CAMK1D: variants seen among roughly 807,000 people sequenced by gnomAD.
CAMK1D encodes the protein calcium/calmodulin dependent protein kinase ID, also known as calcium/calmodulin-dependent protein kinase type 1D.
CAMK1D carries 9 observed loss-of-function variants against 47.7 expected under a neutral mutation model. That is an observed-to-expected ratio of 0.19 (90% CI 0.11 to 0.33). The LOEUF (loss-of-function observed/expected upper bound fraction) is 0.33, where lower values mean the gene tolerates loss of function less well. Among genes scored for constraint, CAMK1D ranks in the 10% least tolerant of loss-of-function variants. CAMK1D has a pLI of 1.00. For missense variants in CAMK1D, 291 were observed against 488.7 expected, an observed-to-expected ratio of 0.60 and a Z score of 3.81; for synonymous variants, 184 against 184.9, an observed-to-expected ratio of 0.99 and a Z score of 0.04.
chr10:12,734,322 C>CAAAAAA (rs1201573872), intron 3 of CAMK1D, among the ~76,000 whole-genome samples: 1 of 23,578 alleles, frequency 4.2e-5, no homozygotes, highest in African/African-American at 2.7e-4. Context: ...GACTCCATCT[C>CAAAAAA]AAAAAAAAAA....
chr10:12,363,665 GTTTTTTTTTT>G (rs1165886868), intron 1 of CAMK1D, among the ~76,000 whole-genome samples: 3 of 117,108 alleles, frequency 2.6e-5, no homozygotes, highest in South Asian at 2.7e-4. Flanking sequence ...GTTTCCTAAG[GTTTTTTTTTT>G]TTTTTTTTTT....
intron 5 of CAMK1D, among the ~76,000 whole-genome samples, chr10:12,773,655 G>T (rs1418095120): frequency 6.6e-6 from 1 of 152,198 alleles, no homozygotes; most frequent in South Asian, 2.1e-4. Context: ...CTCCTTGGGA[G>T]GCAGAGGCAG....
At chr10:12,776,449 G>A (rs570308180) in intron 5 of CAMK1D, among the ~76,000 whole-genome samples, 3 of 152,222 alleles carry the variant, frequency 2.0e-5, no homozygotes, top group South Asian at 2.1e-4. Context: ...CTCGCTGTTC[G>A]TAGTCATCAT....
chr10:12,395,947 G>T (rs999207354), intron 1 of CAMK1D, among the ~76,000 whole-genome samples: 2 of 150,888 alleles, frequency 1.3e-5, no homozygotes, highest in African/African-American at 4.9e-5. Flanking sequence ...AAACAAAAGG[G>T]TTGTTAACCT....
chr10:12,454,002 G>T (rs2768360), intron 1 of CAMK1D, among the ~76,000 whole-genome samples: 152,189 of 152,286 alleles, frequency 1, 76,046 homozygotes, highest in Middle Eastern at 1. Flanking sequence ...CAGAGCTCTG[G>T]GGGGGCTGTT....
chr10:12,768,819 G>A (rs1836900639), intron 4 of CAMK1D, among the ~76,000 whole-genome samples: 1 of 152,082 alleles, frequency 6.6e-6, no homozygotes, highest in Admixed American at 6.5e-5. Flanking sequence ...CTGCTTCCTT[G>A]CTAGGAACAA....
intron 2 of CAMK1D, among the ~76,000 whole-genome samples, chr10:12,640,435 C>T (rs911104975): frequency 1.3e-5 from 2 of 152,156 alleles, no homozygotes; most frequent in Non-Finnish European, 2.9e-5. Flanking sequence ...CCTTGATAAG[C>T]TAGCACGGTG....
At chr10:12,413,544 T>G in intron 1 of CAMK1D, among the ~76,000 whole-genome samples, 1 of 152,064 alleles carries the variant, frequency 6.6e-6, no homozygotes. Context: ...ATGATGAGTA[T>G]GATGGTGATA....
intron 1 of CAMK1D, among the ~76,000 whole-genome samples, chr10:12,547,682 T>TCACACACACACACACACACACACACA (rs1554786375): frequency 1.3e-4 from 15 of 116,518 alleles, no homozygotes; most frequent in African/African-American, 3.7e-4. Flanking sequence ...TTTCTCTCTC[T>TCACACACACACACACACACACACACA]CACACACACA....
chr10:12,773,753 GCAAGGTGGCAGGCGC>G (rs1368401913), intron 5 of CAMK1D, among the ~76,000 whole-genome samples: 1 of 152,110 alleles, frequency 6.6e-6, no homozygotes, highest in Non-Finnish European at 1.5e-5. Context: ...AATTAGCCAG[GCAAGGTGGCAGGCGC>G]CTGTAATCCC....
chr10:12,394,596 G>T lies in CAMK1D; in HGVS notation c.92+44686G>T, dbSNP rs1467988740. ...CAAGGGCTTTCGGAGGTCTGTGCTAGGAGCCACAGGCAGACACCAAAGATA... is the reference window on the plus strand; with the variant it reads ...CAAGGGCTTTCGGAGGTCTGTGCTATGAGCCACAGGCAGACACCAAAGATA... On this transcript the variant is annotated intron_variant, in intron 1 of 10. Coordinates refer to ENST00000619168, the MANE Select transcript of CAMK1D (RefSeq NM_153498.4). 4.6e-5 allele frequency among the ~76,000 whole-genome samples: 7 copies of T among 152,170 alleles called. No individual in the cohort carries two copies. In the South Asian group the frequency reaches 1.4e-3, roughly 31 times the overall value.
At chr10:12,785,423 G>A (rs1174184688) in intron 5 of CAMK1D, among the ~76,000 whole-genome samples, 1 of 152,214 alleles carries the variant, frequency 6.6e-6, no homozygotes, top group Non-Finnish European at 1.5e-5. Context: ...AGGCATGGGA[G>A]CAGCAGGGAG....
chr10:12,572,470 G>A (rs1837357646), intron 2 of CAMK1D, among the ~76,000 whole-genome samples: 1 of 152,130 alleles, frequency 6.6e-6, no homozygotes, highest in South Asian at 2.1e-4. Context: ...AAAGGATTGA[G>A]GCGGAATGTT....
chr10:12,565,314 G>A (rs1837086895), intron 2 of CAMK1D, among the ~76,000 whole-genome samples: 1 of 152,032 alleles, frequency 6.6e-6, no homozygotes, highest in Non-Finnish European at 1.5e-5. Flanking sequence ...GCAGTGGCAC[G>A]ACTCGGCCCA....
At chr10:12,470,272 A>C (rs1461115878) in intron 1 of CAMK1D, among the ~76,000 whole-genome samples, 1 of 152,134 alleles carries the variant, frequency 6.6e-6, no homozygotes, top group Non-Finnish European at 1.5e-5. Context: ...CCTTTGTATG[A>C]TATATAAAGA....
At chr10:12,551,745 T>A (rs1836590030) in intron 1 of CAMK1D, among the ~76,000 whole-genome samples, 1 of 151,932 alleles carries the variant, frequency 6.6e-6, no homozygotes, top group Non-Finnish European at 1.5e-5. Flanking sequence ...CTCAAAAAAA[T>A]GAAATAAAGT....
chr10:12,822,760 C>CG (rs1833059636), intron 8 of CAMK1D, among the ~76,000 whole-genome samples: 1 of 152,138 alleles, frequency 6.6e-6, no homozygotes, highest in African/African-American at 2.4e-5. Context: ...TTGGGCTCTC[C>CG]GGGGAAAAAA....
At chr10:12,608,882 G>A (rs569992039) in intron 2 of CAMK1D, among the ~76,000 whole-genome samples, 1 of 152,378 alleles carries the variant, frequency 6.6e-6, no homozygotes, top group South Asian at 2.1e-4. Context: ...AGCCCTACCA[G>A]TGTCGGGAGT....
In CAMK1D at chr10:12,476,218, G is replaced by GGAGGCGGAGGTTGCAGT. The variant is rs527252675; in HGVS notation, c.93-77003_93-76987dup. Among the ~76,000 whole-genome samples, 1,155 of 150,630 alleles carry GGAGGCGGAGGTTGCAGT rather than the reference G, an allele frequency of 7.7e-3. 14 individuals are homozygous for GGAGGCGGAGGTTGCAGT. Among genetic ancestry groups the GGAGGCGGAGGTTGCAGT allele is most frequent in the African/African-American group, 0.027 (1,095 of 40,908 alleles). On this transcript the variant is annotated intron_variant, in intron 1 of 10. Coordinates refer to ENST00000619168, the MANE Select transcript of CAMK1D (RefSeq NM_153498.4). ...GGGGCAGGAGAATAGCTTGAACCTG[G>GGAGGCGGAGGTTGCAGT]GAGGCGGAGGTTGCAGTGAGCCGAG...
Sources: gnomAD v4.1 joint callset for allele counts (sites outside exome capture counted in the v4.1 genomes callset) on GRCh38, gnomAD v4.1.1 for gene constraint, MANE v1.5 for transcripts, NCBI Gene and HGNC (gene_info 2026-07-23, HGNC 2026-07-21) for gene names.